Variants in N4BP3 observed in about 807,000 individuals in gnomAD.
The protein encoded by N4BP3 is NEDD4-binding protein 3.
Under a neutral mutation model 43.8 loss-of-function variants are expected in N4BP3, and 33 were observed. The ratio of observed to expected loss-of-function variants is 0.75; its 90% confidence interval spans 0.57 to 1.01. N4BP3 has a LOEUF of 1.01. Ranked by LOEUF, N4BP3 falls within the 50% of genes least tolerant of loss-of-function variation. N4BP3 has a pLI of 0.00. For synonymous variants in N4BP3, 326 were observed against 321.9 expected (o/e 1.01, Z -0.14); for missense variants, 756 against 744.2 (o/e 1.02, Z -0.18).
At chr5:178,120,745 G>T in intron 3 of N4BP3, 46 bp downstream of exon 3, 1 of 1,516,478 alleles carries the variant, frequency 6.6e-7, no homozygotes, top group South Asian at 1.3e-5. Flanking sequence ...CCTCAGCACT[G>T]GGGTACAGGC....
chr5:178,125,430 A>T lies in N4BP3; in HGVS notation c.*3429A>T, dbSNP rs1277981279. The T allele has an allele frequency of 6.6e-6, 1 of 152,474 alleles. No individual in the cohort carries two copies. The highest frequency in any genetic ancestry group is 1.5e-5 in the Non-Finnish European group (1 of 68,234). 9.4% of individuals were successfully genotyped at this position (152,474 alleles called of 1,614,324 possible). Reference sequence around the variant, plus strand: ...AGCAGAGCATGGAGCAGGCAGAGGAAGCCTATCTGTGGGGCTGGGTACATT... The same window carrying T: ...AGCAGAGCATGGAGCAGGCAGAGGATGCCTATCTGTGGGGCTGGGTACATT... On this transcript the variant is annotated 3_prime_UTR_variant, in exon 5 of 5. Transcript: ENST00000274605.
Position 178,118,926 on chromosome 5 carries a change from T to C in N4BP3, c.-30-628T>C, listed in dbSNP as rs918300068. ...TGTCGCCCATGCTGGAGTGCAGTGG[T>C]GCGATCTCGGCTCACTGCAAGCTCT... On this transcript the variant is annotated intron_variant, in intron 1 of 4. Coordinates refer to ENST00000274605, the MANE Select transcript of N4BP3 (RefSeq NM_015111.2). The surrounding 1 kb of genome is among the most constrained non-coding windows in gnomAD (Gnocchi z 5.4). 4.6e-5 allele frequency among the ~76,000 whole-genome samples: 7 copies of C among 150,688 alleles called. No individual in the cohort carries two copies. The highest frequency in any genetic ancestry group is 8.9e-5 in the Non-Finnish European group (6 of 67,732).
In N4BP3 at chr5:178,118,448, G is replaced by T. The variant is rs192981641; in HGVS notation, c.-30-1106G>T. On this transcript the variant is annotated intron_variant, in intron 1 of 4. Coordinates refer to ENST00000274605, the MANE Select transcript of N4BP3 (RefSeq NM_015111.2). The surrounding 1 kb of genome is among the most constrained non-coding windows in gnomAD (Gnocchi z 5.4). ...AGTGGCTTGGCCGGGGTCACACACC[G>T]ATTGGTTCCGCCAGGGTTAGGATTT... Among the ~76,000 whole-genome samples the T allele has an allele frequency of 6.6e-6, 1 of 152,310 alleles. No homozygotes were observed. The highest frequency in any genetic ancestry group is 1.9e-4 in the East Asian group (1 of 5,180).
Position 178,118,356 on chromosome 5 carries a change from C to A in N4BP3, c.-30-1198C>A, listed in dbSNP as rs1308088191. Among the ~76,000 whole-genome samples, 1 of 152,246 alleles carries A rather than the reference C, an allele frequency of 6.6e-6. No individual in the cohort carries two copies. The highest frequency in any genetic ancestry group is 1.9e-4 in the East Asian group (1 of 5,194). ...GTCATGTTATCCCACCCCATCCTCCCAGCATCCCAGTGATAAGTGTTATTG... is the reference window on the plus strand; with the variant it reads ...GTCATGTTATCCCACCCCATCCTCCAAGCATCCCAGTGATAAGTGTTATTG... On this transcript the variant is annotated intron_variant, in intron 1 of 4. Transcript: ENST00000274605. The surrounding 1 kb of genome is among the most constrained non-coding windows in gnomAD (Gnocchi z 5.4).
At chr5:178,121,019 G>A in intron 3 of N4BP3, 79 bp from the exon 4 acceptor site, 1 of 1,512,462 alleles carries the variant, frequency 6.6e-7, no homozygotes, top group Non-Finnish European at 8.8e-7. Flanking sequence ...GATATGATCA[G>A]TGGCTGGAGT....
In N4BP3 at chr5:178,121,501, C is replaced by T. The variant is rs753593346; in HGVS notation, c.1135C>T (p.Leu379Phe). The T allele has an allele frequency of 1.2e-6, 2 of 1,613,976 alleles. No homozygotes were observed. Among genetic ancestry groups the T allele is most frequent in the East Asian group, 2.2e-5 (1 of 44,884 alleles). Residue 379 changes from leucine (L) to phenylalanine (F), a missense_variant, in exon 5 of 5, where the codon CTC becomes TTC. By Grantham distance (22) the Leu-to-Phe change is conservative (BLOSUM62 0). Transcript: ENST00000274605. ...EVCQKTAEIS[L>F]LKQQLREAQA... ...GTGCCAGAAGACAGCAGAGATTAGC[C>T]TCTTGAAGCAGCAGCTGCGTGAAGC...
rs990497569 is a variant in N4BP3 at position 178,124,159 on chromosome 5, G to C, written c.*2158G>C. 6.5e-6 allele frequency: 1 copy of C among 152,768 alleles called. No homozygotes were observed. Among genetic ancestry groups the C allele is most frequent in the African/African-American group, 2.4e-5 (1 of 41,442 alleles). 9.5% of individuals were successfully genotyped at this position (152,768 alleles called of 1,614,324 possible). On this transcript the variant is annotated 3_prime_UTR_variant, in exon 5 of 5. Transcript: ENST00000274605. ...GTCAAGCCAGGGGCCCACACACCTG[G>C]TGCCAGGGTCCACCTTGGTATACCA...
In N4BP3 at chr5:178,122,247, T is replaced by C; in HGVS notation, c.*246T>C. 4.2e-6 allele frequency: 2 copies of C among 475,610 alleles called. No individual in the cohort carries two copies. Among genetic ancestry groups the C allele is most frequent in the Non-Finnish European group, 7.4e-6 (2 of 270,484 alleles). The allele number at this position is 475,610 out of a possible 1,614,324, so 29.5% of individuals were successfully genotyped here. A position where few individuals can be genotyped will look rare whatever the true frequency, so the allele number is the denominator to read the frequency against. On this transcript the variant is annotated 3_prime_UTR_variant, in exon 5 of 5. Transcript: ENST00000274605. ...CCAGCCCTGCTTCCTGGAGTGGATGTGGCCCAGAGAAGGAGGCTGGGGGAT... is the reference window on the plus strand; with the variant it reads ...CCAGCCCTGCTTCCTGGAGTGGATGCGGCCCAGAGAAGGAGGCTGGGGGAT...
In N4BP3 at chr5:178,120,402, G is replaced by T. The variant is rs200709059; in HGVS notation, c.555G>T (p.Glu185Asp). 1 of 1,612,918 alleles carries T rather than the reference G, an allele frequency of 6.2e-7. No homozygotes were observed. The highest frequency in any genetic ancestry group is 1.1e-5 in the South Asian group (1 of 91,092). Residue 185 changes from glutamate to aspartate, a missense_variant, in exon 3 of 5, where the codon GAG becomes GAT. Coordinates refer to ENST00000274605, the MANE Select transcript of N4BP3 (RefSeq NM_015111.2). The stretch of plus-strand genomic sequence containing the variant: ...TAGATGAGGGCGGCCCTGAGCCCGA[G>T]CCCAGCCTGTCCGACTCCTCCAGTG... ...LSLDEGGPEP[E>D]PSLSDSSSGG...
At chr5:178,119,490 C>T in intron 1 of N4BP3, 64 bp from the exon 2 acceptor site, 1 of 1,251,308 alleles carries the variant, frequency 8.0e-7, no homozygotes, top group Non-Finnish European at 1.1e-6. Context: ...ACCTTGTTTT[C>T]AGGCCCCAGG....
chr5:178,126,672 CTT>C (rs1373750510), downstream of N4BP3, among the ~76,000 whole-genome samples: 1 of 152,152 alleles, frequency 6.6e-6, no homozygotes, highest in Non-Finnish European at 1.5e-5. Context: ...CTGATGTTCT[CTT>C]TTGTTTCTAA....
At chr5:178,117,189 G>A (rs1330563346) in intron 1 of N4BP3, among the ~76,000 whole-genome samples, 1 of 152,224 alleles carries the variant, frequency 6.6e-6, no homozygotes, top group Non-Finnish European at 1.5e-5. Flanking sequence ...CCTGGAGAGA[G>A]TGAGGGCAGG....
rs752074999 is a variant in N4BP3, at chr5:178,121,459, C to T, written c.1108-15C>T. ...CCCCACACCCTACTTTGCTTGCGTC[C>T]TCCCCATCCCCCAGGTGTGCCAGAA... On this transcript the variant is annotated splice_polypyrimidine_tract_variant and intron_variant, in intron 4 of 4. Transcript: ENST00000274605. 140 of 1,613,734 alleles carry T rather than the reference C, an allele frequency of 8.7e-5. 3 individuals carry two copies. In the South Asian group the frequency reaches 1.4e-3, roughly 16 times the overall value.
chr5:178,115,987 G>C (rs2113283650), intron 1 of N4BP3, among the ~76,000 whole-genome samples: 1 of 152,296 alleles, frequency 6.6e-6, no homozygotes, highest in South Asian at 2.1e-4. Flanking sequence ...GAATGTCCCA[G>C]CCCAAATCTA....
chr5:178,117,638 A>AAAAAAAAAAAG (rs148196961), intron 1 of N4BP3, among the ~76,000 whole-genome samples: 3 of 108,384 alleles, frequency 2.8e-5, no homozygotes, highest in Non-Finnish European at 3.7e-5. Flanking sequence ...AAAAAAAAAA[A>AAAAAAAAAAAG]GAAGGGACAA....
At chr5:178,126,147 A>G (rs1201460365), downstream of N4BP3, 2 of 152,138 alleles carry the variant, frequency 1.3e-5, no homozygotes, top group Non-Finnish European at 2.9e-5. Context: ...GAAAAAAGTC[A>G]TACTATGTGC....
In N4BP3 at chr5:178,119,569, C is replaced by A. The variant is rs775304020; in HGVS notation, c.-15C>A. 2 of 1,523,074 alleles carry A rather than the reference C, an allele frequency of 1.3e-6. No individual in the cohort carries two copies. The highest frequency in any genetic ancestry group is 2.2e-5 in the Admixed American group (1 of 45,600). The allele number at this position is 1,523,074 out of a possible 1,614,324, so 94.3% of individuals were successfully genotyped here. ...CAATTCCCAGAAGCAGCTGCCTGTACCCTGTTGAAACTTCATGGCCACAGC... is the reference window on the plus strand; with the variant it reads ...CAATTCCCAGAAGCAGCTGCCTGTAACCTGTTGAAACTTCATGGCCACAGC... On this transcript the variant is annotated 5_prime_UTR_variant, in exon 2 of 5. Transcript: ENST00000274605.
chr5:178,120,163 C>T lies in N4BP3; in HGVS notation c.331-15C>T. The T allele has an allele frequency of 6.5e-7, 1 of 1,547,872 alleles. No homozygotes were observed. The highest frequency in any genetic ancestry group is 8.7e-7 in the Non-Finnish European group (1 of 1,144,282). ...AGGTCTCACACCTGCCCTCTCTGCCCTCTCTTCCTGGCAGTGCCGCATTCG... is the reference window on the plus strand; with the variant it reads ...AGGTCTCACACCTGCCCTCTCTGCCTTCTCTTCCTGGCAGTGCCGCATTCG... On this transcript the variant is annotated splice_polypyrimidine_tract_variant and intron_variant, in intron 2 of 4. Coordinates refer to ENST00000274605, the MANE Select transcript of N4BP3 (RefSeq NM_015111.2).
Position 178,122,216 on chromosome 5 carries a change from C to T in N4BP3, c.*215C>T, listed in dbSNP as rs1441999961. ...CCCTCCTGGCAGAGGAGCACCTAGGCAGGGCCCAGCCCTGCTTCCTGGAGT... is the reference window on the plus strand; with the variant it reads ...CCCTCCTGGCAGAGGAGCACCTAGGTAGGGCCCAGCCCTGCTTCCTGGAGT... On this transcript the variant is annotated 3_prime_UTR_variant, in exon 5 of 5. Coordinates refer to ENST00000274605, the MANE Select transcript of N4BP3 (RefSeq NM_015111.2). 3.5e-6 allele frequency: 2 copies of T among 577,114 alleles called. No individual in the cohort carries two copies. Among genetic ancestry groups the T allele is most frequent in the Non-Finnish European group, 6.0e-6 (2 of 334,550 alleles). 35.7% of individuals were successfully genotyped at this position (577,114 alleles called of 1,614,324 possible). A position where few individuals can be genotyped will look rare whatever the true frequency, so the allele number is the denominator to read the frequency against.
Sources: gnomAD v4.1 joint callset for allele counts (sites outside exome capture counted in the v4.1 genomes callset) on GRCh38, gnomAD v4.1.1 for gene constraint, Gnocchi (gnomAD v3.1) non-coding constraint, MANE v1.5 for transcripts, NCBI Gene and HGNC (gene_info 2026-07-23, HGNC 2026-07-21) for gene names.